Variants in CUL5 observed in about 807,000 individuals in gnomAD.
The protein encoded by CUL5 is cullin 5.
In CUL5, 26 loss-of-function variants were observed where a neutral mutation model predicts 108.8. That is an observed-to-expected ratio of 0.24 (90% CI 0.18 to 0.33). The LOEUF is 0.33. CUL5 is among the 10% of genes least tolerant of loss of function. The pLI, the probability that CUL5 is intolerant of heterozygous loss-of-function variation, is 1.00. For missense variants in CUL5, 524 were observed against 909.2 expected (o/e 0.58, Z 5.45); for synonymous variants, 334 against 298.0 (o/e 1.12, Z -1.25).
At chr11:108,069,107 A>AT (rs1385639058) in intron 7 of CUL5, among the ~76,000 whole-genome samples, 7 of 152,260 alleles carry the variant, frequency 4.6e-5, no homozygotes, top group South Asian at 2.1e-4. Context: ...AGTTTAAAAA[A>AT]TTAACCAGAC....
chr11:108,031,676 T>G (rs993353647), intron 1 of CUL5, among the ~76,000 whole-genome samples: 2 of 152,218 alleles, frequency 1.3e-5, no homozygotes, highest in African/African-American at 4.8e-5. Flanking sequence ...TACCATGATG[T>G]TTTTTGGTTA....
At chr11:108,095,015 A>T in intron 15 of CUL5, 28 bp downstream of exon 15, 1 of 1,568,882 alleles carries the variant, frequency 6.4e-7, no homozygotes, top group Non-Finnish European at 8.7e-7. Context: ...TAGTTATTTC[A>T]GCTTTCAGTT....
Position 108,071,362 on chromosome 11 carries a change from G to T in CUL5, c.875-970G>T, listed in dbSNP as rs1863815911. 2.6e-5 allele frequency among the ~76,000 whole-genome samples: 4 copies of T among 151,828 alleles called. No homozygotes were observed. In the South Asian group the frequency reaches 8.4e-4, roughly 32 times the overall value. On this transcript the variant is annotated intron_variant, in intron 8 of 18. Coordinates refer to ENST00000393094, the MANE Select transcript of CUL5 (RefSeq NM_003478.6). ...TGTAGCCTTGACCTCCTGGGCTCAAGCGATCCTCCCACCTCCCAGCCCACT... is the reference window on the plus strand; with the variant it reads ...TGTAGCCTTGACCTCCTGGGCTCAATCGATCCTCCCACCTCCCAGCCCACT...
intron 8 of CUL5, among the ~76,000 whole-genome samples, chr11:108,071,118 A>G (rs923834009): frequency 2.2e-4 from 33 of 152,214 alleles, no homozygotes; most frequent in African/African-American, 6.0e-4. Context: ...TTTATATTCT[A>G]ATCTCTAATA....
At chr11:108,101,747 C>T (rs1864675316) in intron 18 of CUL5, among the ~76,000 whole-genome samples, 1 of 152,164 alleles carries the variant, frequency 6.6e-6, no homozygotes, top group Admixed American at 6.5e-5. Flanking sequence ...GGGCCAGTGT[C>T]CCTCTGCTCT....
chr11:108,076,297 G>T (rs923153609), intron 10 of CUL5, among the ~76,000 whole-genome samples: 2 of 152,254 alleles, frequency 1.3e-5, no homozygotes, highest in African/African-American at 4.8e-5. Flanking sequence ...GCCTCCCAAA[G>T]TGCTGGGATT....
At chr11:108,092,841 G>C (rs986274267) in intron 13 of CUL5, among the ~76,000 whole-genome samples, 1 of 152,074 alleles carries the variant, frequency 6.6e-6, no homozygotes, top group Non-Finnish European at 1.5e-5. Flanking sequence ...TTTTGAGACA[G>C]AGTCTCACTT....
At chr11:108,023,891 A>G (rs1269499332) in intron 1 of CUL5, among the ~76,000 whole-genome samples, 1 of 152,202 alleles carries the variant, frequency 6.6e-6, no homozygotes, top group Non-Finnish European at 1.5e-5. Context: ...ATTTCAGTGG[A>G]AAGAGATATT....
In CUL5 at chr11:108,106,460, T is replaced by G. The variant is rs1864803325; in HGVS notation, c.*2076T>G. 6.6e-6 allele frequency: 1 copy of G among 152,090 alleles called. No homozygotes were observed. The highest frequency in any genetic ancestry group is 2.4e-5 in the African/African-American group (1 of 41,318). 9.4% of individuals were successfully genotyped at this position (152,090 alleles called of 1,614,324 possible). On this transcript the variant is annotated 3_prime_UTR_variant, in exon 19 of 19. Transcript: ENST00000393094. ...TAGCAAAGTTTTTTATTAAATTTTATAAATTTTTAATAGCCAATTATGTCC... is the reference window on the plus strand; with the variant it reads ...TAGCAAAGTTTTTTATTAAATTTTAGAAATTTTTAATAGCCAATTATGTCC...
chr11:108,037,090 T>C (rs557162782), intron 2 of CUL5, among the ~76,000 whole-genome samples: 1 of 152,206 alleles, frequency 6.6e-6, no homozygotes, highest in South Asian at 2.1e-4. Context: ...TTGGGAACTT[T>C]TGGGCCTCTT....
At chr11:108,088,413 C>G in intron 11 of CUL5, 114 bp from the exon 12 acceptor site, 2 of 1,182,560 alleles carry the variant, frequency 1.7e-6, no homozygotes, top group Non-Finnish European at 2.4e-6. Context: ...AGTTCCAAAC[C>G]TGATCACTAG....
intron 2 of CUL5, among the ~76,000 whole-genome samples, chr11:108,036,462 C>T (rs993184997): frequency 1.3e-5 from 2 of 152,002 alleles, no homozygotes; most frequent in Non-Finnish European, 2.9e-5. Flanking sequence ...ATCTTTCAAC[C>T]CCCCACTTTA....
intron 1 of CUL5, among the ~76,000 whole-genome samples, chr11:108,010,261 A>C (rs1424092389): frequency 6.6e-6 from 1 of 152,262 alleles, no homozygotes; most frequent in East Asian, 1.9e-4. Context: ...CAAAAACCGC[A>C]GTCACTTTTG....
At chr11:108,097,608 C>G (rs954262685) in intron 16 of CUL5, 28 bp from the exon 17 acceptor site, 1 of 1,260,416 alleles carries the variant, frequency 7.9e-7, no homozygotes, top group South Asian at 1.2e-5. Context: ...TTTATAGATG[C>G]TAATTGTTTT....
chr11:108,035,752 CAAAAA>C (rs530414592), intron 2 of CUL5, among the ~76,000 whole-genome samples: 1 of 125,062 alleles, frequency 8.0e-6, no homozygotes, highest in Non-Finnish European at 1.7e-5. Context: ...GACCTTGTCT[CAAAAA>C]AAAAAAAAAA....
At position 108,089,454 on chromosome 11, in the gene CUL5, GTATA is replaced by G. The variant is rs773545415; in HGVS notation, c.1312-35_1312-32del. 1.4e-5 allele frequency: 21 copies of G among 1,459,864 alleles called. No individual in the cohort carries two copies. The Admixed American group carries it at 1.7e-4, about 12-fold the overall frequency. The allele number at this position is 1,459,864 out of a possible 1,614,324, so 90.4% of individuals were successfully genotyped here. On this transcript the variant is annotated intron_variant, in intron 12 of 18. Coordinates refer to ENST00000393094, the MANE Select transcript of CUL5 (RefSeq NM_003478.6). ...GGTCTAAATTCGAGAGATGGTAAGA[GTATA>G]TAAGAACTGAAAGTAACTTTATTTT...
intron 2 of CUL5, among the ~76,000 whole-genome samples, chr11:108,034,581 T>C (rs1157052112): frequency 2.0e-5 from 3 of 152,166 alleles, no homozygotes; most frequent in African/African-American, 4.8e-5. Context: ...AGCAGTCAGG[T>C]TGAATTAAAA....
chr11:108,041,893 C>T (rs1862927493), intron 2 of CUL5, among the ~76,000 whole-genome samples: 1 of 151,972 alleles, frequency 6.6e-6, no homozygotes, highest in Non-Finnish European at 1.5e-5. Flanking sequence ...CACCAGGCCC[C>T]ATCAGCTTCT....
intron 11 of CUL5, among the ~76,000 whole-genome samples, chr11:108,088,219 T>C (rs964416991): frequency 6.6e-6 from 1 of 152,048 alleles, no homozygotes; most frequent in Non-Finnish European, 1.5e-5. Context: ...TTAACAGATT[T>C]CTGAAAAAAA....
Sources: gnomAD v4.1 joint callset for allele counts (sites outside exome capture counted in the v4.1 genomes callset) on GRCh38, gnomAD v4.1.1 for gene constraint, MANE v1.5 for transcripts, NCBI Gene and HGNC (gene_info 2026-07-23, HGNC 2026-07-21) for gene names.